SDK1: variants seen among roughly 807,000 people sequenced by gnomAD.
SDK1 encodes sidekick cell adhesion molecule 1.
A neutral mutation model predicts 245.5 loss-of-function variants in SDK1; 157 were observed. The observed-to-expected ratio is 0.64, with a 90% CI of 0.56 to 0.73. SDK1 has a LOEUF of 0.73. SDK1 is among the 30% of genes least tolerant of loss of function. The pLI is 0.00. For synonymous variants in SDK1, 1,647 were observed against 1,278.5 expected (o/e 1.29, Z -6.15); for missense variants, 3,583 against 3,002.3 (o/e 1.19, Z -4.52).
chr7:4,042,297 C>G (rs1009280920), intron 17 of SDK1, among the ~76,000 whole-genome samples: 2 of 136,220 alleles, frequency 1.5e-5, no homozygotes, highest in Non-Finnish European at 3.0e-5. Flanking sequence ...AACTGCTACT[C>G]TCTGATCCAG....
chr7:3,459,006 A>G (rs1163720413), intron 1 of SDK1, among the ~76,000 whole-genome samples: 12 of 152,328 alleles, frequency 7.9e-5, no homozygotes, highest in South Asian at 4.1e-4. Flanking sequence ...TGTAGAATCA[A>G]TTGTCAAATG....
chr7:3,350,008 T>C (rs559981198), intron 1 of SDK1, among the ~76,000 whole-genome samples: 4 of 152,272 alleles, frequency 2.6e-5, no homozygotes, highest in Non-Finnish European at 2.9e-5. Context: ...AGGATGAAGT[T>C]TGGGGACTTT....
At chr7:3,803,483 G>A (rs1365378915) in intron 4 of SDK1, among the ~76,000 whole-genome samples, 1 of 151,102 alleles carries the variant, frequency 6.6e-6, no homozygotes, top group Non-Finnish European at 1.5e-5. Context: ...ATTAATTTTT[G>A]TATTTTTAGT....
chr7:3,887,986 A>C (rs984777615), intron 5 of SDK1, among the ~76,000 whole-genome samples: 2 of 152,198 alleles, frequency 1.3e-5, no homozygotes, highest in East Asian at 1.9e-4. Context: ...AGTGACCACT[A>C]TGTAGTTCTT....
At chr7:4,229,414 A>T (rs962383500) in intron 40 of SDK1, among the ~76,000 whole-genome samples, 1 of 152,202 alleles carries the variant, frequency 6.6e-6, no homozygotes, top group Non-Finnish European at 1.5e-5. Context: ...CCCCTCACCC[A>T]ACATTTTTGA....
intron 1 of SDK1, among the ~76,000 whole-genome samples, chr7:3,601,694 T>C (rs935788571): frequency 1.1e-4 from 16 of 151,992 alleles, no homozygotes; most frequent in Non-Finnish European, 2.4e-4. Context: ...TTTATTATTA[T>C]ACTTTAAGTT....
intron 4 of SDK1, among the ~76,000 whole-genome samples, chr7:3,798,434 G>T (rs1241029328): frequency 6.6e-6 from 1 of 151,950 alleles, no homozygotes; most frequent in East Asian, 1.9e-4. Context: ...AGCCATGATG[G>T]TCTTGATCTC....
chr7:4,063,967 A>T lies in SDK1; in HGVS notation c.2912-3871A>T, dbSNP rs1354103965. On this transcript the variant is annotated intron_variant, in intron 19 of 44. Coordinates refer to ENST00000404826, the MANE Select transcript of SDK1 (RefSeq NM_152744.4). ...AGACTTAAATGTAACACTTGAAATT[A>T]TAAAACTACTAAAATAAAACACAGG... Among the ~76,000 whole-genome samples the T allele has an allele frequency of 2.6e-5, 4 of 152,348 alleles. No homozygotes were observed. In the East Asian group the frequency reaches 5.8e-4, roughly 22 times the overall value.
chr7:4,038,677 C>T (rs1788386775), intron 17 of SDK1, among the ~76,000 whole-genome samples: 1 of 152,220 alleles, frequency 6.6e-6, no homozygotes, highest in Admixed American at 6.5e-5. Flanking sequence ...TCTGCAATTG[C>T]AGGAGGAATT....
intron 1 of SDK1, among the ~76,000 whole-genome samples, chr7:3,574,038 G>A (rs560017821): frequency 6.6e-6 from 1 of 151,772 alleles, no homozygotes; most frequent in East Asian, 1.9e-4. Context: ...TAGGTTGGGT[G>A]TTGAAGAATT....
chr7:3,762,831 A>C (rs1478296190), intron 4 of SDK1, among the ~76,000 whole-genome samples: 2 of 152,266 alleles, frequency 1.3e-5, no homozygotes, highest in Non-Finnish European at 2.9e-5. Context: ...GTAGTATGAC[A>C]GTATGAATAT....
intron 1 of SDK1, among the ~76,000 whole-genome samples, chr7:3,465,664 G>A (rs1489345236): frequency 6.6e-6 from 1 of 152,160 alleles, no homozygotes; most frequent in African/African-American, 2.4e-5. Flanking sequence ...AATGACAGAG[G>A]TTGGGCCTGT....
intron 1 of SDK1, among the ~76,000 whole-genome samples, chr7:3,495,372 C>T (rs568121629): frequency 1.3e-5 from 2 of 150,856 alleles, no homozygotes; most frequent in Admixed American, 1.3e-4. Flanking sequence ...ATTCTCCTGC[C>T]TCAGCCTCCT....
intron 5 of SDK1, among the ~76,000 whole-genome samples, chr7:3,828,758 C>G (rs767592979): frequency 2.8e-5 from 4 of 142,594 alleles, no homozygotes; most frequent in Non-Finnish European, 6.0e-5. Context: ...CTCAAGCAGT[C>G]TTGCTGCCTC....
intron 1 of SDK1, among the ~76,000 whole-genome samples, chr7:3,344,118 G>A (rs1007646158): frequency 6.6e-6 from 1 of 151,992 alleles, no homozygotes; most frequent in Non-Finnish European, 1.5e-5. Flanking sequence ...AAAGCCTATG[G>A]ACACAGTGAA....
intron 11 of SDK1, among the ~76,000 whole-genome samples, chr7:3,969,827 C>T (rs1255772908): frequency 6.6e-6 from 1 of 152,156 alleles, no homozygotes; most frequent in Non-Finnish European, 1.5e-5. Flanking sequence ...ACTTCTAATA[C>T]ACTAACCATC....
At position 4,267,244 on chromosome 7, in the gene SDK1, TCCTC is replaced by T. The variant is rs925047505; in HGVS notation, c.*1874_*1877del. On this transcript the variant is annotated 3_prime_UTR_variant, in exon 45 of 45. Coordinates refer to ENST00000404826, the MANE Select transcript of SDK1 (RefSeq NM_152744.4). ...TTCCTTCCTCCCTTCCTCTCTTCTTTCCTCCCTCCCTCCCTCCTTCCCTCCCTTC... is the reference window on the plus strand; with the variant it reads ...TTCCTTCCTCCCTTCCTCTCTTCTTTCCTCCCTCCCTCCTTCCCTCCCTTC... 2.0e-4 allele frequency: 161 copies of T among 790,690 alleles called. No individual in the cohort carries two copies. The highest frequency in any genetic ancestry group is 2.3e-4 in the Non-Finnish European group (148 of 654,344). 49.0% of individuals were successfully genotyped at this position (790,690 alleles called of 1,614,324 possible). A position where few individuals can be genotyped will look rare whatever the true frequency, so the allele number is the denominator to read the frequency against.
At chr7:4,237,294 A>G (rs1362185179) in intron 41 of SDK1, among the ~76,000 whole-genome samples, 1 of 151,932 alleles carries the variant, frequency 6.6e-6, no homozygotes, top group East Asian at 1.9e-4. Flanking sequence ...GATGAAATTA[A>G]GAGAAAGCAA....
At chr7:4,024,404 T>C (rs1031173867) in intron 17 of SDK1, among the ~76,000 whole-genome samples, 1 of 152,230 alleles carries the variant, frequency 6.6e-6, no homozygotes, top group African/African-American at 2.4e-5. Flanking sequence ...GACCTCAGGC[T>C]GTACCTGCAG....
Sources: allele counts gnomAD v4.1 joint callset (sites outside exome capture counted in the v4.1 genomes callset), GRCh38; gene constraint gnomAD v4.1.1; transcripts MANE v1.5; gene names NCBI Gene and HGNC (gene_info 2026-07-23, HGNC 2026-07-21).